Variants in MAX observed in about 807,000 individuals in gnomAD.
The protein encoded by MAX is protein max.
MAX carries 3 observed loss-of-function variants against 22.3 expected under a neutral mutation model. That is an observed-to-expected ratio of 0.13 (90% CI 0.06 to 0.35). The LOEUF is 0.35. Ranked by LOEUF, MAX falls within the 10% of genes least tolerant of loss-of-function variation. The pLI, the probability that MAX is intolerant of heterozygous loss-of-function variation, is 1.00. For synonymous variants in MAX, 72 were observed against 77.7 expected (o/e 0.93, Z 0.39); for missense variants, 119 against 209.4 (o/e 0.57, Z 2.66).
intron 3 of MAX, among the ~76,000 whole-genome samples, chr14:65,021,616 G>T (rs1441944837): frequency 6.6e-6 from 1 of 152,104 alleles, no homozygotes; most frequent in Non-Finnish European, 1.5e-5. Context: ...GAGCCCCAGT[G>T]TCAACAGTTG....
At chr14:65,021,482 CCA>C (rs1336865686) in intron 3 of MAX, among the ~76,000 whole-genome samples, 2 of 152,132 alleles carry the variant, frequency 1.3e-5, no homozygotes, top group Non-Finnish European at 2.9e-5. Context: ...AGTGAGGACA[CCA>C]TATCTAGGCC....
Position 65,078,102 on chromosome 14 carries a change from T to C in MAX, c.172-66A>G. 6.2e-7 allele frequency: 1 copy of C among 1,602,792 alleles called. No homozygotes were observed. Among genetic ancestry groups the C allele is most frequent in the South Asian group, 1.1e-5 (1 of 90,518 alleles). On this transcript the variant is annotated intron_variant, in intron 3 of 4. Coordinates refer to ENST00000358664, the MANE Select transcript of MAX (RefSeq NM_002382.5). The surrounding 1 kb of genome is among the most constrained non-coding windows in gnomAD (Gnocchi z 6.4). ...ACCCAATCCAGGCAGTGAGGGAACCTGGCCTGCAGCAACTGCTTGGGTGGC... is the reference window on the plus strand; with the variant it reads ...ACCCAATCCAGGCAGTGAGGGAACCCGGCCTGCAGCAACTGCTTGGGTGGC...
At chr14:65,102,246 C>G in intron 1 of MAX, 58 bp downstream of exon 1, 1 of 1,608,134 alleles carries the variant, frequency 6.2e-7, no homozygotes, top group East Asian at 2.3e-5. Context: ...CGCTAAGAGC[C>G]CCGGCCGCTG....
At position 65,082,974 on chromosome 14, in the gene MAX, G is replaced by T. The variant is rs2063236982; in HGVS notation, c.172-4938C>A. 6.6e-6 allele frequency among the ~76,000 whole-genome samples: 1 copy of T among 152,146 alleles called. No individual in the cohort carries two copies. Among genetic ancestry groups the T allele is most frequent in the South Asian group, 2.1e-4 (1 of 4,832 alleles). ...GAGGGCAGAAGTGGAAGGTTAGGTG[G>T]GGGATGTCAGCTTCCCACAGTACAC... is the stretch of plus-strand genomic sequence containing the variant. On this transcript the variant is annotated intron_variant, in intron 3 of 4. Transcript: ENST00000358664. The surrounding 1 kb of genome is among the most constrained non-coding windows in gnomAD (Gnocchi z 4.8).
downstream of MAX, among the ~76,000 whole-genome samples, chr14:65,071,954 A>T (rs2062991687): frequency 2.0e-5 from 3 of 152,230 alleles, no homozygotes. This position sits in a 1 kb window ranked among gnomAD's most constrained non-coding sequence, Gnocchi z 4.2. Context: ...TTCCCTTCCC[A>T]AGGGAACTTT....
chr14:65,064,237 A>C (rs2139709068), intron 3 of MAX, among the ~76,000 whole-genome samples: 1 of 152,294 alleles, frequency 6.6e-6, no homozygotes, highest in African/African-American at 2.4e-5. Flanking sequence ...TAAGGATTGG[A>C]CCAAGCATTC....
intron 3 of MAX, among the ~76,000 whole-genome samples, chr14:65,092,497 T>C (rs750107418): frequency 3.9e-4 from 59 of 152,214 alleles, no homozygotes; most frequent in Admixed American, 5.9e-4. Context: ...GTCATAAAGA[T>C]TTCCGTGGTA....
At chr14:65,025,538 G>C (rs1013556260) in intron 3 of MAX, among the ~76,000 whole-genome samples, 7 of 152,184 alleles carry the variant, frequency 4.6e-5, no homozygotes, top group African/African-American at 1.7e-4. Flanking sequence ...TCACATGCTG[G>C]GCATGATGGC....
At chr14:65,037,498 G>A (rs964133537) in intron 3 of MAX, among the ~76,000 whole-genome samples, 2 of 122,370 alleles carry the variant, frequency 1.6e-5, no homozygotes, top group African/African-American at 3.1e-5. Context: ...GCAGTGACAC[G>A]ATCATGGTTC....
chr14:65,044,599 C>A lies in MAX; in HGVS notation c.172-38315G>T. On this transcript the variant is annotated intron_variant, in intron 3 of 3. Coordinates refer to the MAX transcript ENST00000341653. This position sits in a 1 kb window ranked among gnomAD's most constrained non-coding sequence, Gnocchi z 5.5. Reference sequence around the variant, plus strand: ...GTGGAACCTCATGCCGTGGGGCATGCGAATGCAGAGTAAGATTTAGTTTCA... The same window carrying A: ...GTGGAACCTCATGCCGTGGGGCATGAGAATGCAGAGTAAGATTTAGTTTCA... 2 of 1,077,488 alleles carry A rather than the reference C, an allele frequency of 1.9e-6. No homozygotes were observed. Among genetic ancestry groups the A allele is most frequent in the Non-Finnish European group, 2.5e-6 (2 of 788,168 alleles). The allele number at this position is 1,077,488 out of a possible 1,614,324, so 66.7% of individuals were successfully genotyped here.
chr14:65,039,336 G>A (rs17102391), intron 3 of MAX, among the ~76,000 whole-genome samples: 17,043 of 152,208 alleles, frequency 0.11, 1,287 homozygotes, highest in East Asian at 0.3. Context: ...TGACTCTCAC[G>A]TAATCACATT....
In MAX at chr14:65,014,683, G is replaced by A. The variant is rs1332929753; in HGVS notation, c.172-8399C>T. Among the ~76,000 whole-genome samples, 3 of 152,134 alleles carry A rather than the reference G, an allele frequency of 2.0e-5. No homozygotes were observed. Among genetic ancestry groups the A allele is most frequent in the Non-Finnish European group, 4.4e-5 (3 of 68,026 alleles). Reference sequence around the variant, plus strand: ...TAAAAAATTAGCCAGGCATAGTGGTGTGTGCCCGTAGTCCCAGCTACTTAG... The same window carrying A: ...TAAAAAATTAGCCAGGCATAGTGGTATGTGCCCGTAGTCCCAGCTACTTAG... On this transcript the variant is annotated intron_variant, in intron 3 of 3. Transcript: ENST00000341653. This position sits in a 1 kb window ranked among gnomAD's most constrained non-coding sequence, Gnocchi z 5.1.
exon 4 of MAX, chr14:65,006,207 G>A (rs759435096): frequency 2.5e-6 from 4 of 1,594,164 alleles, no homozygotes; most frequent in South Asian, 1.1e-5. Context: ...TTTCTGATTA[G>A]CCATGGCAGA....
chr14:65,063,381 G>C (rs933661400), intron 3 of MAX, among the ~76,000 whole-genome samples: 18 of 152,206 alleles, frequency 1.2e-4, no homozygotes, highest in African/African-American at 4.3e-4. Flanking sequence ...AGAAGGGATT[G>C]CTTCAGTCTG....
At position 65,076,903 on chromosome 14, in the gene MAX, A is replaced by G; in HGVS notation, c.296-240T>C. The G allele has an allele frequency of 1.6e-6, 1 of 614,076 alleles. No individual in the cohort carries two copies. Among genetic ancestry groups the G allele is most frequent in the Non-Finnish European group, 2.9e-6 (1 of 340,784 alleles). The allele number at this position is 614,076 out of a possible 1,614,324, so 38.0% of individuals were successfully genotyped here. ...TCTGCAATCCCACCCAACTCTGAAG[A>G]GAAGGCTTGTGATGTCACCGTCCTG... On this transcript the variant is annotated intron_variant, in intron 4 of 4. Transcript: ENST00000358664. The surrounding 1 kb of genome is among the most constrained non-coding windows in gnomAD (Gnocchi z 6.6).
In MAX at chr14:65,006,243, A is replaced by T. The variant is rs143291877; in HGVS notation, c.213T>A (p.Tyr71Ter). The change falls in exon 4 of 4, where the codon TAT becomes TAA. Residue 71 changes from tyrosine (Y) to a stop codon, truncating the protein, a stop_gained. Coordinates refer to the MAX transcript ENST00000341653. LOFTEE classifies it high-confidence loss of function. ...AAACAGTTGGAAAAGGCAAGTGTTC[A>T]TAAGGAAAGACAGGTGGGAGGGTTA... 14 of 1,611,840 alleles carry T rather than the reference A, an allele frequency of 8.7e-6. No individual in the cohort carries two copies. Among genetic ancestry groups the T allele is most frequent in the Non-Finnish European group, 1.2e-5 (14 of 1,179,720 alleles).
chr14:65,060,884 A>T (rs1477388281), intron 3 of MAX, among the ~76,000 whole-genome samples: 1 of 151,466 alleles, frequency 6.6e-6, no homozygotes, highest in Admixed American at 6.6e-5. Context: ...AAAAAAAAAA[A>T]AAAAAAAAAA....
rs1431060528 is a variant in MAX at position 65,028,558 on chromosome 14, C to CTT, written c.172-22276_172-22275dup. Among the ~76,000 whole-genome samples, 1 of 152,182 alleles carries CTT rather than the reference C, an allele frequency of 6.6e-6. No homozygotes were observed. Among genetic ancestry groups the CTT allele is most frequent in the African/African-American group, 2.4e-5 (1 of 41,424 alleles). On this transcript the variant is annotated intron_variant, in intron 3 of 3. Transcript: ENST00000341653. This position sits in a 1 kb window ranked among gnomAD's most constrained non-coding sequence, Gnocchi z 4.4. The stretch of plus-strand genomic sequence containing the variant: ...CTACACAAGTTGATTAATAGTCTGG[C>CTT]TTAAGCATCTGGTTTAACCATTGGT...
Position 65,033,617 on chromosome 14 carries a change from G to A in MAX, c.172-27333C>T, listed in dbSNP as rs559427696. Among the ~76,000 whole-genome samples, 6 of 152,318 alleles carry A rather than the reference G, an allele frequency of 3.9e-5. No homozygotes were observed. The East Asian group carries it at 1.2e-3, about 29-fold the overall frequency. The stretch of plus-strand genomic sequence containing the variant: ...TCACGCCTGTAATTCCAGCACTTTG[G>A]GAGGCCAGGGCAAGCGGATCATGAG... On this transcript the variant is annotated intron_variant, in intron 3 of 3. Transcript: ENST00000341653.
Sources: allele counts gnomAD v4.1 joint callset (sites outside exome capture counted in the v4.1 genomes callset), GRCh38; gene constraint gnomAD v4.1.1; non-coding constraint Gnocchi (gnomAD v3.1); transcripts MANE v1.5; gene names NCBI Gene and HGNC (gene_info 2026-07-23, HGNC 2026-07-21).